DNAI7: variants seen among roughly 807,000 people sequenced by gnomAD.
DNAI7 encodes the protein cancer susceptibility 1.
DNAI7 carries 78 observed loss-of-function variants against 86.6 expected under a neutral mutation model. That is an observed-to-expected ratio of 0.90 (90% CI 0.75 to 1.09). DNAI7 has a LOEUF of 1.09. DNAI7 is among the 50% of genes least tolerant of loss of function. The pLI, the probability that DNAI7 is intolerant of heterozygous loss-of-function variation, is 0.00. For missense variants in DNAI7, 753 were observed against 810.2 expected (o/e 0.93, Z 0.86); for synonymous variants, 274 against 273.0 (o/e 1.00, Z -0.04).
intron 11 of DNAI7, among the ~76,000 whole-genome samples, chr12:25,120,877 G>A (rs1357096677): frequency 2.0e-5 from 3 of 152,238 alleles, no homozygotes; most frequent in South Asian, 2.1e-4. Context: ...TTGGCATCAT[G>A]TGGACTGGTG....
At chr12:25,117,938 C>CT (rs776942936) in intron 12 of DNAI7, among the ~76,000 whole-genome samples, 15,004 of 134,586 alleles carry the variant, frequency 0.11, 1,177 homozygotes, top group Admixed American at 0.15. Context: ...TTTTCTTTTT[C>CT]TTTTTTTTTT....
intron 1 of DNAI7, 160 bp downstream of exon 1, chr12:25,194,916 T>C (rs757447602): frequency 5.6e-6 from 9 of 1,614,158 alleles, no homozygotes; most frequent in South Asian, 4.4e-5. Context: ...AGGAAAGCCA[T>C]TGCTGAGAAG....
intron 9 of DNAI7, among the ~76,000 whole-genome samples, chr12:25,141,589 G>C (rs1944189116): frequency 6.6e-6 from 1 of 152,174 alleles, no homozygotes; most frequent in Non-Finnish European, 1.5e-5. Flanking sequence ...CCAGCACTTT[G>C]GGAGGCCAAG....
intron 9 of DNAI7, among the ~76,000 whole-genome samples, chr12:25,127,512 G>GTAT (rs1942315845): frequency 6.6e-6 from 1 of 152,014 alleles, no homozygotes; most frequent in Non-Finnish European, 1.5e-5. Context: ...TACTTCAATT[G>GTAT]TATTAAATTT....
Position 25,108,620 on chromosome 12 carries a change from C to CCTGACTTTCTCCATT in DNAI7, c.2082_2096dup (p.Met695_Arg699dup). The CCTGACTTTCTCCATT allele has an allele frequency of 6.2e-7, 1 of 1,613,654 alleles. No individual in the cohort carries two copies. The highest frequency in any genetic ancestry group is 8.5e-7 in the Non-Finnish European group (1 of 1,179,864). ...AGTTGACAAACTGACAGTTGGAACTCCTGACTTTCTCCATTGCTTCCTCAG... is the reference window on the plus strand; with the variant it reads ...AGTTGACAAACTGACAGTTGGAACTCCTGACTTTCTCCATTCTGACTTTCTCCATTGCTTCCTCAG... On this transcript the variant is annotated inframe_insertion, in exon 16 of 16. Transcript: ENST00000395987.
rs142611338 is a variant in DNAI7 at position 25,112,788 on chromosome 12, T to C, written c.1612-849A>G. The stretch of plus-strand genomic sequence containing the variant: ...AAAATATTTCAATATGTAATCAGTA[T>C]AGAAATTATTGAGAGTTTACATTTT... On this transcript the variant is annotated intron_variant, in intron 13 of 15. Transcript: ENST00000395987. Among the ~76,000 whole-genome samples the C allele has an allele frequency of 1.4e-3, 211 of 152,334 alleles. 3 individuals are homozygous for C. The highest frequency in any genetic ancestry group is 4.9e-3 in the African/African-American group (203 of 41,580).
At chr12:25,109,122 TATAGAC>T (rs1420234520) in intron 15 of DNAI7, among the ~76,000 whole-genome samples, 4 of 152,100 alleles carry the variant, frequency 2.6e-5, no homozygotes, top group African/African-American at 9.7e-5. Context: ...ACAGAAGAAA[TATAGAC>T]ATACAACATA....
At chr12:25,166,685 G>A (rs1462587766) in intron 2 of DNAI7, among the ~76,000 whole-genome samples, 2 of 152,092 alleles carry the variant, frequency 1.3e-5, no homozygotes. Context: ...TCCTAGGCAT[G>A]GTTAGTGTGG....
Position 25,114,868 on chromosome 12 carries a change from T to C in DNAI7, c.1399A>G (p.Lys467Glu). 6.2e-7 allele frequency: 1 copy of C among 1,607,778 alleles called. No individual in the cohort carries two copies. The highest frequency in any genetic ancestry group is 1.1e-5 in the South Asian group (1 of 90,620). The change falls in exon 13 of 16, where the codon AAA becomes GAA. Residue 467 changes from lysine (K) to glutamate (E), a missense_variant and splice_region_variant. Physicochemically the swap from Lys to Glu is moderately conservative, Grantham distance 56 (BLOSUM62 1). Transcript: ENST00000395987. Reference sequence around the variant, plus strand: ...CTGATGCCATCAGTTCTCCAATGTTTACCTTTATAATTGATGAAGAAAGTG... The same window carrying C: ...CTGATGCCATCAGTTCTCCAATGTTCACCTTTATAATTGATGAAGAAAGTG... ...PVVVRWDAEG[K>E]HWRTDGISNV... is the part of the protein sequence containing the mutation.
intron 9 of DNAI7, among the ~76,000 whole-genome samples, chr12:25,130,566 T>C (rs1406165518): frequency 2.4e-5 from 1 of 42,276 alleles, no homozygotes; most frequent in African/African-American, 3.8e-5. Flanking sequence ...TAAAATAAAA[T>C]AAAATAAAAT....
In DNAI7 at chr12:25,144,443, T is replaced by C; in HGVS notation, c.924A>G (p.Gln308=). 1.2e-6 allele frequency: 2 copies of C among 1,614,170 alleles called. No homozygotes were observed. Among genetic ancestry groups the C allele is most frequent in the Non-Finnish European group, 1.7e-6 (2 of 1,179,998 alleles). The change falls in exon 9 of 16, where the codon CAA becomes CAG. Residue 308 remains glutamine (Q), a synonymous_variant. Transcript: ENST00000395987. ...GAATTAAGTGAGACCCTCTTTCTTG[T>C]TGTTTGGACTCTTCTTCGACCTCCT... ...ISKEVEEESK[Q]QERGSHLIQE...
intron 9 of DNAI7, among the ~76,000 whole-genome samples, chr12:25,139,271 C>T (rs1367346850): frequency 6.6e-6 from 1 of 152,082 alleles, no homozygotes; most frequent in Admixed American, 6.5e-5. Flanking sequence ...CAGCTGAATT[C>T]TATCAGGCAT....
intron 12 of DNAI7, among the ~76,000 whole-genome samples, chr12:25,117,558 T>C (rs1017991363): frequency 6.6e-6 from 1 of 152,126 alleles, no homozygotes; most frequent in Non-Finnish European, 1.5e-5. Flanking sequence ...TAAAATGGCA[T>C]ACATTAACTC....
intron 7 of DNAI7, among the ~76,000 whole-genome samples, chr12:25,147,715 T>A (rs1007566544): frequency 1.3e-5 from 2 of 152,232 alleles, no homozygotes; most frequent in African/African-American, 4.8e-5. Flanking sequence ...GATTAATATG[T>A]TACCTTTCTC....
chr12:25,108,542 T>A lies in DNAI7; in HGVS notation c.*6A>T, dbSNP rs1288100698. The stretch of plus-strand genomic sequence containing the variant: ...TCATACTTACAATACAGTTTGTAAG[T>A]GGAGGTTAGGAGTAGCTGAGCAATC... On this transcript the variant is annotated 3_prime_UTR_variant, in exon 16 of 16. Coordinates refer to ENST00000395987, the MANE Select transcript of DNAI7 (RefSeq NM_018272.5). The A allele has an allele frequency of 1.9e-6, 3 of 1,608,068 alleles. No homozygotes were observed. The highest frequency in any genetic ancestry group is 1.3e-5 in the African/African-American group (1 of 74,868).
chr12:25,176,965 C>T lies in DNAI7; in HGVS notation c.21+13649G>A, dbSNP rs554617961. ...TCACCCAGGTTGGAGTGCAGTGGTG[C>T]GATCTCGGCTCACTACAACCTCCAC... On this transcript the variant is annotated intron_variant, in intron 2 of 15. Coordinates refer to ENST00000395987, the MANE Select transcript of DNAI7 (RefSeq NM_018272.5). Among the ~76,000 whole-genome samples, 24 of 139,192 alleles carry T rather than the reference C, an allele frequency of 1.7e-4. No homozygotes were observed. The South Asian group carries it at 4.2e-3, about 24-fold the overall frequency. The allele number at this position is 139,192 out of a possible 152,430, so 91.3% of individuals were successfully genotyped here.
chr12:25,185,646 C>T (rs1269861298), intron 2 of DNAI7: 1 of 281,898 alleles, frequency 3.5e-6, no homozygotes, highest in East Asian at 1.7e-4. Context: ...TGATTTAATT[C>T]CCTCATATAT....
chr12:25,125,073 T>C (rs942325786), intron 9 of DNAI7, among the ~76,000 whole-genome samples: 3 of 152,188 alleles, frequency 2.0e-5, no homozygotes, highest in African/African-American at 7.2e-5. Context: ...AGTGCTACAA[T>C]GAACATTCAC....
chr12:25,141,238 T>G (rs1296949643), intron 9 of DNAI7, among the ~76,000 whole-genome samples: 5 of 152,246 alleles, frequency 3.3e-5, no homozygotes, highest in Admixed American at 3.3e-4. Flanking sequence ...AGCTTCTGCA[T>G]AGCAAAAGAA....
Sources: allele counts gnomAD v4.1 joint callset (sites outside exome capture counted in the v4.1 genomes callset), GRCh38; gene constraint gnomAD v4.1.1; transcripts MANE v1.5; gene names NCBI Gene and HGNC (gene_info 2026-07-23, HGNC 2026-07-21).